Variants in DACH2 observed in about 807,000 individuals in gnomAD.
DACH2 encodes dachshund homolog 2.
Under a neutral mutation model 35.8 loss-of-function variants are expected in DACH2, and 17 were observed. The ratio of observed to expected loss-of-function variants is 0.48; its 90% CI spans 0.33 to 0.71. The LOEUF is 0.71. DACH2 is among the 30% of genes least tolerant of loss of function. The probability of loss-of-function intolerance (pLI) is 0.02; values close to 1 mark genes in which losing one functional copy is unlikely to be tolerated. For synonymous variants in DACH2, 195 were observed against 177.3 expected (o/e 1.10, Z -0.79); for missense variants, 469 against 472.7 (o/e 0.99, Z 0.07).
chrX:86,294,318 C>T (rs1333144129), intron 1 of DACH2, among the ~76,000 whole-genome samples: 1 of 110,431 alleles, frequency 9.1e-6, no homozygotes, highest in Non-Finnish European at 1.9e-5. Flanking sequence ...TCTAGTTATA[C>T]ATTCTTCTAA....
At chrX:86,320,674 G>A (rs901924783) in intron 1 of DACH2, among the ~76,000 whole-genome samples, 3 of 112,547 alleles carry the variant, frequency 2.7e-5, no homozygotes, top group African/African-American at 9.7e-5. Context: ...GTTTGCAGGA[G>A]GCAGGCTGAC....
At chrX:86,694,326 C>T (rs1359358023) in intron 4 of DACH2, among the ~76,000 whole-genome samples, 1 of 112,274 alleles carries the variant, frequency 8.9e-6, no homozygotes, top group Non-Finnish European at 1.9e-5. Flanking sequence ...GTTTGTTTTC[C>T]ATATGGTTTT....
At chrX:86,541,672 G>T (rs1322142438) in intron 3 of DACH2, among the ~76,000 whole-genome samples, 1 of 111,276 alleles carries the variant, frequency 9.0e-6, no homozygotes, top group African/African-American at 3.3e-5. Context: ...ATTATATTTA[G>T]GAGGAAAAAA....
chrX:86,208,706 G>A (rs914161261), intron 1 of DACH2, among the ~76,000 whole-genome samples: 3 of 111,401 alleles, frequency 2.7e-5, no homozygotes, highest in East Asian at 2.8e-4. Context: ...TCACGGACTT[G>A]AAGGAACCAT....
chrX:86,549,839 A>G (rs1294832261), intron 3 of DACH2, among the ~76,000 whole-genome samples: 1 of 109,823 alleles, frequency 9.1e-6, no homozygotes, highest in Non-Finnish European at 1.9e-5. Flanking sequence ...AATTTCTATA[A>G]ACAGTTTTTT....
At chrX:86,184,663 TTTTA>T (rs1399566383) in intron 1 of DACH2, among the ~76,000 whole-genome samples, 3 of 111,907 alleles carry the variant, frequency 2.7e-5, no homozygotes, top group Non-Finnish European at 5.6e-5. Flanking sequence ...AAATGAATAT[TTTTA>T]TTATTTATTA....
chrX:86,602,469 G>A (rs1361475198), intron 3 of DACH2, among the ~76,000 whole-genome samples: 1 of 112,037 alleles, frequency 8.9e-6, no homozygotes, highest in African/African-American at 3.2e-5. Flanking sequence ...CATTGGCAAT[G>A]AATGAGTTTC....
Position 86,739,445 on chromosome X carries a change from AAC to A in DACH2, c.1105-297_1105-296del, listed in dbSNP as rs750876599. 1.6e-3 allele frequency among the ~76,000 whole-genome samples: 180 copies of A among 111,162 alleles called. 1 individual carries two copies. The highest frequency in any genetic ancestry group is 5.7e-3 in the African/African-American group (175 of 30,665). ...AAACTACAATAACAATAACCTTCAA[AAC>A]ACACCTACACTGTTAATCATTTATG... On this transcript the variant is annotated intron_variant, in intron 6 of 11. Coordinates refer to ENST00000373125, the MANE Select transcript of DACH2 (RefSeq NM_053281.3).
rs192300461 is a variant in DACH2 at position 86,827,656 on chromosome X, G to A, written c.1751-4450G>A. The A allele has an allele frequency of 6.7e-4, 424 of 631,708 alleles. 7 individuals carry two copies. In the African/African-American group the frequency reaches 6.9e-3, roughly 10 times the overall value. The allele number at this position is 631,708 out of a possible 1,213,427, so 52.1% of individuals were successfully genotyped here. A position where few individuals can be genotyped will look rare whatever the true frequency, so the allele number is the denominator to read the frequency against. ...AAATCTTGAACATATATAGCACAGC[G>A]AAATACTATAAAGTGAGTTTGTGGT... On this transcript the variant is annotated intron_variant, in intron 11 of 11. Coordinates refer to ENST00000373125, the MANE Select transcript of DACH2 (RefSeq NM_053281.3).
At chrX:86,202,007 G>C (rs891013080) in intron 1 of DACH2, among the ~76,000 whole-genome samples, 7 of 111,188 alleles carry the variant, frequency 6.3e-5, no homozygotes, top group Admixed American at 5.8e-4. Context: ...AGTAAAAAAC[G>C]TGAAAATTTG....
intron 1 of DACH2, among the ~76,000 whole-genome samples, chrX:86,266,057 A>G (rs934705533): frequency 2.7e-5 from 3 of 111,677 alleles, no homozygotes; most frequent in African/African-American, 9.8e-5. Context: ...AACCAACAAA[A>G]TGAACTTGTT....
intron 2 of DACH2, among the ~76,000 whole-genome samples, chrX:86,501,693 C>A (rs1482508520): frequency 2.7e-5 from 3 of 111,658 alleles, no homozygotes; most frequent in African/African-American, 9.8e-5. Flanking sequence ...GAAGCAAAAA[C>A]AATCCTTTCA....
At chrX:86,809,191 G>A (rs936185821) in intron 7 of DACH2, among the ~76,000 whole-genome samples, 1 of 111,457 alleles carries the variant, frequency 9.0e-6, no homozygotes, top group Non-Finnish European at 1.9e-5. Context: ...ATACTATTAT[G>A]TTCTATGTGC....
chrX:86,742,572 T>C (rs1197866030), intron 7 of DACH2: 1 of 179,103 alleles, frequency 5.6e-6, no homozygotes, highest in Non-Finnish European at 1.1e-5. Context: ...TCGTCATTCG[T>C]GTGACACTTT....
intron 11 of DACH2, among the ~76,000 whole-genome samples, chrX:86,824,808 G>C (rs774707172): frequency 3.6e-5 from 4 of 111,977 alleles, no homozygotes; most frequent in Non-Finnish European, 5.6e-5. Context: ...ACTCTCAATA[G>C]AGAGAACTAA....
intron 1 of DACH2, among the ~76,000 whole-genome samples, chrX:86,329,556 A>G (rs2035174978): frequency 9.7e-6 from 1 of 103,134 alleles, no homozygotes; most frequent in South Asian, 4.7e-4. Flanking sequence ...GCATCAATCA[A>G]ATAAATTTTT....
At chrX:86,461,662 T>C (rs1404516265) in intron 2 of DACH2, among the ~76,000 whole-genome samples, 1 of 111,441 alleles carries the variant, frequency 9.0e-6, no homozygotes, top group African/African-American at 3.2e-5. Flanking sequence ...ACTGTATAGA[T>C]GATTGATATG....
chrX:86,237,677 C>T (rs1023284345), intron 1 of DACH2, among the ~76,000 whole-genome samples: 2 of 111,609 alleles, frequency 1.8e-5, no homozygotes, highest in South Asian at 7.5e-4. Flanking sequence ...AGCTGTGGAG[C>T]GGCAAGGGGT....
rs181924946 is a variant in DACH2, at chrX:86,179,139, G to A, written c.488+30031G>A. The stretch of plus-strand genomic sequence containing the variant: ...TTAATGAGTTGTCTGCAGATGGACC[G>A]TTATTTATTACAGTCATGTAGAATA... On this transcript the variant is annotated intron_variant, in intron 1 of 11. Coordinates refer to ENST00000373125, the MANE Select transcript of DACH2 (RefSeq NM_053281.3). Among the ~76,000 whole-genome samples the A allele has an allele frequency of 4.8e-3, 538 of 111,581 alleles. 2 individuals carry two copies. The highest frequency in any genetic ancestry group is 0.016 in the African/African-American group (501 of 30,820).
Sources: gnomAD v4.1 joint callset for allele counts (sites outside exome capture counted in the v4.1 genomes callset) on GRCh38, gnomAD v4.1.1 for gene constraint, MANE v1.5 for transcripts, NCBI Gene and HGNC (gene_info 2026-07-23, HGNC 2026-07-21) for gene names.